Variants in SERINC5 observed in about 807,000 individuals in gnomAD.
The protein encoded by SERINC5 is chromosome 5 open reading frame 12.
A neutral mutation model predicts 63.1 loss-of-function variants in SERINC5; 41 were observed. That is an observed-to-expected ratio of 0.65 (90% confidence interval 0.51 to 0.84). The LOEUF (loss-of-function observed/expected upper bound fraction) is 0.84, where lower values mean the gene tolerates loss of function less well. SERINC5 is among the 40% of genes least tolerant of loss of function. The probability of loss-of-function intolerance (pLI) is 0.00; values close to 1 mark genes in which losing one functional copy is unlikely to be tolerated. For missense variants in SERINC5, 523 were observed against 573.0 expected (o/e 0.91, Z 0.89); for synonymous variants, 222 against 215.2 (o/e 1.03, Z -0.28).
At chr5:80,192,843 G>T (rs1419420856) in intron 2 of SERINC5, among the ~76,000 whole-genome samples, 2 of 152,200 alleles carry the variant, frequency 1.3e-5, no homozygotes, top group African/African-American at 2.4e-5. Flanking sequence ...AGAATGGGGA[G>T]AGAGCATTCC....
In SERINC5 at chr5:80,159,582, C is replaced by T. The variant is rs887163911; in HGVS notation, c.860-620G>A. On this transcript the variant is annotated intron_variant, in intron 7 of 11. Coordinates refer to ENST00000507668, the MANE Select transcript of SERINC5 (RefSeq NM_001174072.3). ...ATGTTAATGACTGACTAATGGCTGGCAGCCCCTAGGTAGCCTCAGGATGGG... is the reference window on the plus strand; with the variant it reads ...ATGTTAATGACTGACTAATGGCTGGTAGCCCCTAGGTAGCCTCAGGATGGG... Among the ~76,000 whole-genome samples the T allele has an allele frequency of 1.4e-4, 22 of 152,226 alleles. No individual in the cohort carries two copies. The East Asian group carries it at 3.1e-3, about 21-fold the overall frequency.
At chr5:80,129,330 C>T (rs1176034394) in intron 11 of SERINC5, 1 of 152,146 alleles carries the variant, frequency 6.6e-6, no homozygotes. Flanking sequence ...ACAGGGTCTC[C>T]CTCTGTCACT....
At chr5:80,248,631 G>A (rs1226077536) in intron 1 of SERINC5, among the ~76,000 whole-genome samples, 3 of 152,152 alleles carry the variant, frequency 2.0e-5, no homozygotes, top group Non-Finnish European at 4.4e-5. Flanking sequence ...CACCTTGACA[G>A]AACAATTATA....
At position 80,256,031 on chromosome 5, in the gene SERINC5, G is replaced by A. The variant is rs900878985; in HGVS notation, c.-109C>T. The A allele has an allele frequency of 8.5e-6, 10 of 1,181,240 alleles. No individual in the cohort carries two copies. Among genetic ancestry groups the A allele is most frequent in the South Asian group, 1.7e-5 (1 of 59,406 alleles). The allele number at this position is 1,181,240 out of a possible 1,614,324, so 73.2% of individuals were successfully genotyped here. On this transcript the variant is annotated 5_prime_UTR_variant, in exon 1 of 12. Transcript: ENST00000507668. ...GCTCAGCCGCAGCTCACACTTGAAC[G>A]AAGATCAGCCTCGGCGAAGCGCCTA...
intron 2 of SERINC5, among the ~76,000 whole-genome samples, chr5:80,192,873 G>A (rs980336973): frequency 6.6e-6 from 1 of 152,140 alleles, no homozygotes; most frequent in Non-Finnish European, 1.5e-5. Flanking sequence ...ACGTGACTCC[G>A]AAGGTCAGCC....
chr5:80,190,575 A>T (rs75002401), intron 2 of SERINC5, among the ~76,000 whole-genome samples: 1,684 of 152,342 alleles, frequency 0.011, 22 homozygotes, highest in Non-Finnish European at 0.017. Context: ...TGTGAATAAA[A>T]CAGTTTAAAA....
At chr5:80,133,075 G>A (rs977871045) in intron 11 of SERINC5, among the ~76,000 whole-genome samples, 1 of 152,096 alleles carries the variant, frequency 6.6e-6, no homozygotes, top group Non-Finnish European at 1.5e-5. Flanking sequence ...GTTCTCATGA[G>A]ATCTGGTTGT....
intron 2 of SERINC5, among the ~76,000 whole-genome samples, chr5:80,195,317 T>A (rs908293282): frequency 6.6e-6 from 1 of 151,938 alleles, no homozygotes; most frequent in Non-Finnish European, 1.5e-5. Flanking sequence ...AACAATGTAT[T>A]CAAATTATAT....
intron 5 of SERINC5, among the ~76,000 whole-genome samples, chr5:80,172,807 G>C (rs1475023507): frequency 1.3e-5 from 2 of 152,182 alleles, no homozygotes; most frequent in East Asian, 3.8e-4. Flanking sequence ...CGTGGGAGAC[G>C]ACCAACGCTT....
At chr5:80,174,731 C>G (rs962777584) in intron 5 of SERINC5, among the ~76,000 whole-genome samples, 1 of 151,998 alleles carries the variant, frequency 6.6e-6, no homozygotes, top group Admixed American at 6.6e-5. Flanking sequence ...TTGAGTGTGG[C>G]TAATTCACAC....
intron 11 of SERINC5, among the ~76,000 whole-genome samples, chr5:80,129,715 T>C (rs13167748): frequency 6.6e-6 from 1 of 152,250 alleles, no homozygotes; most frequent in East Asian, 1.9e-4. Flanking sequence ...TATATAGATG[T>C]TCTAAGTGAA....
chr5:80,211,113 T>A (rs1015614555), intron 1 of SERINC5, among the ~76,000 whole-genome samples: 1 of 152,120 alleles, frequency 6.6e-6, no homozygotes, highest in African/African-American at 2.4e-5. Context: ...CAGGCAAGCA[T>A]GATGAGTTAA....
chr5:80,217,452 T>A (rs1379951452), intron 1 of SERINC5, among the ~76,000 whole-genome samples: 1 of 152,140 alleles, frequency 6.6e-6, no homozygotes, highest in Non-Finnish European at 1.5e-5. Context: ...TAGATGCCCG[T>A]ATGCTCGGGG....
At chr5:80,177,239 T>C (rs1214420754) in intron 4 of SERINC5, 76 bp downstream of exon 4, 2 of 997,372 alleles carry the variant, frequency 2.0e-6, no homozygotes, top group Non-Finnish European at 3.1e-6. Context: ...AGAGGTACTT[T>C]GGACTGCGCT....
intron 1 of SERINC5, among the ~76,000 whole-genome samples, chr5:80,211,285 CAGGATTCCACAA>C (rs1163620246): frequency 6.6e-6 from 1 of 152,158 alleles, no homozygotes; most frequent in Non-Finnish European, 1.5e-5. Context: ...CCCTTACCAG[CAGGATTCCACAA>C]AGCCCCTGAC....
rs1745392004 is a variant in SERINC5 at position 80,139,790 on chromosome 5, A to C, written c.*3873T>G. The C allele has an allele frequency of 3.0e-6, 3 of 985,426 alleles. No individual in the cohort carries two copies. Among genetic ancestry groups the C allele is most frequent in the Non-Finnish European group, 3.6e-6 (3 of 829,944 alleles). The allele number at this position is 985,426 out of a possible 1,614,324, so 61.0% of individuals were successfully genotyped here. On this transcript the variant is annotated 3_prime_UTR_variant, in exon 12 of 12. Coordinates refer to ENST00000507668, the MANE Select transcript of SERINC5 (RefSeq NM_001174072.3). ...CATTGTCCCTGAAGAAGGAGGGCCC[A>C]GTGTTCTTTCTGGGTGTGTAAGGTC...
chr5:80,206,563 C>T (rs766687750), intron 1 of SERINC5, among the ~76,000 whole-genome samples: 49 of 152,168 alleles, frequency 3.2e-4, no homozygotes, highest in Non-Finnish European at 5.9e-4. Context: ...ACATTCTACT[C>T]GGGCTGAGAT....
At position 80,140,305 on chromosome 5, in the gene SERINC5, C is replaced by CAAA. The variant is rs55718546; in HGVS notation, c.*3355_*3357dup. ...GTGGCTGACAGAGTGAGCCCGTCTCCAAAAAAAAAAAAAAAAAAAAAAAAA... is the reference window on the plus strand; with the variant it reads ...GTGGCTGACAGAGTGAGCCCGTCTCCAAAAAAAAAAAAAAAAAAAAAAAAAAAA... On this transcript the variant is annotated 3_prime_UTR_variant, in exon 12 of 12. Transcript: ENST00000507668. 54 of 478,214 alleles carry CAAA rather than the reference C, an allele frequency of 1.1e-4. 1 individual carries two copies. Among genetic ancestry groups the CAAA allele is most frequent in the African/African-American group, 3.8e-4 (8 of 21,144 alleles). The allele number at this position is 478,214 out of a possible 1,614,324, so 29.6% of individuals were successfully genotyped here. A position where few individuals can be genotyped will look rare whatever the true frequency, so the allele number is the denominator to read the frequency against.
intron 1 of SERINC5, among the ~76,000 whole-genome samples, chr5:80,228,565 C>T (rs1751279592): frequency 6.6e-6 from 1 of 152,202 alleles, no homozygotes; most frequent in African/African-American, 2.4e-5. Flanking sequence ...AAATGATCCT[C>T]CTGCCTCAGC....
Sources: gnomAD v4.1 joint callset for allele counts (sites outside exome capture counted in the v4.1 genomes callset) on GRCh38, gnomAD v4.1.1 for gene constraint, MANE v1.5 for transcripts, NCBI Gene and HGNC (gene_info 2026-07-23, HGNC 2026-07-21) for gene names.